Variants in ACSBG2 observed in about 807,000 individuals in gnomAD.
ACSBG2 encodes the protein long-chain-fatty-acid--CoA ligase ACSBG2.
A neutral mutation model predicts 74.7 loss-of-function variants in ACSBG2; 62 were observed. The observed-to-expected ratio is 0.83, with a 90% confidence interval of 0.68 to 1.03. The LOEUF (loss-of-function observed/expected upper bound fraction) is 1.03, where lower values mean the gene tolerates loss of function less well. ACSBG2 is among the 50% of genes least tolerant of loss of function. ACSBG2 has a pLI of 0.00. For missense variants in ACSBG2, 730 were observed against 817.6 expected (o/e 0.89, Z 1.31); for synonymous variants, 309 against 294.1 (o/e 1.05, Z -0.52).
chr19:6,190,804 C>CAT (rs34583176), intron 14 of ACSBG2, 112 bp downstream of exon 14: 82 of 471,164 alleles, frequency 1.7e-4, no homozygotes, highest in East Asian at 1.5e-3. Context: ...CACACATACA[C>CAT]ACATACATAC....
intron 2 of ACSBG2, among the ~76,000 whole-genome samples, chr19:6,145,061 C>T (rs1274008902): frequency 2.0e-5 from 3 of 152,012 alleles, no homozygotes; most frequent in Non-Finnish European, 4.4e-5. Flanking sequence ...AGCCAAGAGC[C>T]TTTAGAAGCC....
chr19:6,190,292 T>C (rs113516658), intron 13 of ACSBG2: 8,048 of 323,448 alleles, frequency 0.025, 265 homozygotes, highest in African/African-American at 0.1. Flanking sequence ...GGGATAGGGG[T>C]ATGGTTTGAG....
intron 2 of ACSBG2, 44 bp from the exon 3 acceptor site, chr19:6,147,398 TTAAA>T (rs765187683): frequency 6.5e-7 from 1 of 1,531,300 alleles, no homozygotes; most frequent in Non-Finnish European, 9.0e-7. Flanking sequence ...TCCAAAGTTA[TTAAA>T]TAAATAAAAA....
At position 6,156,508 on chromosome 19, in the gene ACSBG2, T is replaced by A; in HGVS notation, c.464T>A (p.Ile155Asn). Residue 155 changes from isoleucine (I) to asparagine (N), a missense_variant, in exon 5 of 15, where the codon ATC becomes AAC. Coordinates refer to ENST00000588485, the MANE Select transcript of ACSBG2 (RefSeq NM_030924.5). ...GTCATCACTCATGCCAAAGTGAACA[T>A]CTTGCTGGTTGAGAATGATCAACAG... ...QYVITHAKVN[I>N]LLVENDQQLQ... 1 of 1,596,356 alleles carries A rather than the reference T, an allele frequency of 6.3e-7. No homozygotes were observed. The highest frequency in any genetic ancestry group is 8.5e-7 in the Non-Finnish European group (1 of 1,171,352).
Position 6,157,183 on chromosome 19 carries a change from C to T in ACSBG2, c.507+632C>T, listed in dbSNP as rs373467109. On this transcript the variant is annotated intron_variant, in intron 5 of 14. Coordinates refer to ENST00000588485, the MANE Select transcript of ACSBG2 (RefSeq NM_030924.5). The stretch of plus-strand genomic sequence containing the variant: ...CAGGATGGTCTTGATCTCCTGACCT[C>T]GTGATCCGCCCGCCTTGGCCTCCCA... 5.5e-4 allele frequency among the ~76,000 whole-genome samples: 83 copies of T among 152,290 alleles called. 2 individuals are homozygous for T. Among genetic ancestry groups the T allele is most frequent in the Admixed American group, 4.8e-3 (74 of 15,294 alleles).
intron 1 of ACSBG2, among the ~76,000 whole-genome samples, chr19:6,139,546 T>A (rs983204941): frequency 5.9e-5 from 9 of 152,214 alleles, no homozygotes; most frequent in Admixed American, 5.9e-4. Context: ...CACTCACTGA[T>A]GGAAACTTTT....
chr19:6,177,185 C>T (rs756483669), intron 7 of ACSBG2, 44 bp from the exon 8 acceptor site: 1 of 1,595,440 alleles, frequency 6.3e-7, no homozygotes, highest in Non-Finnish European at 8.5e-7. Flanking sequence ...TAAAATGGCC[C>T]TTCTATGAGG....
In ACSBG2 at chr19:6,183,289, C is replaced by T. The variant is rs756446604; in HGVS notation, c.1322+17C>T. 20 of 1,608,094 alleles carry T rather than the reference C, an allele frequency of 1.2e-5. No individual in the cohort carries two copies. In the South Asian group the frequency reaches 2.0e-4, roughly 16 times the overall value. ...GCTTCTAAGGTACCAGCCCCCGGGGCAGACCCCTGCTCCTCCCATAACATG... is the reference window on the plus strand; with the variant it reads ...GCTTCTAAGGTACCAGCCCCCGGGGTAGACCCCTGCTCCTCCCATAACATG... On this transcript the variant is annotated intron_variant, in intron 10 of 14. Coordinates refer to ENST00000588485, the MANE Select transcript of ACSBG2 (RefSeq NM_030924.5).
intron 6 of ACSBG2, among the ~76,000 whole-genome samples, chr19:6,164,209 G>T (rs189666422): frequency 1.3e-5 from 2 of 152,124 alleles, no homozygotes; most frequent in African/African-American, 4.8e-5. Context: ...GGAAGCCGGG[G>T]GTCTTCTACC....
rs1266990532 is a variant in ACSBG2, at chr19:6,178,301, A to T, written c.906+905A>T. ...TTTTCCAGTTTGGTGAAGTTTTTGCATACATGTCCAGTTGCTCCATCTGAT... is the reference window on the plus strand; with the variant it reads ...TTTTCCAGTTTGGTGAAGTTTTTGCTTACATGTCCAGTTGCTCCATCTGAT... On this transcript the variant is annotated intron_variant, in intron 8 of 14. Transcript: ENST00000588485. 3.3e-5 allele frequency among the ~76,000 whole-genome samples: 5 copies of T among 152,198 alleles called. No individual in the cohort carries two copies. The South Asian group carries it at 1.0e-3, about 32-fold the overall frequency.
chr19:6,185,784 C>A, intron 11 of ACSBG2, 131 bp downstream of exon 11: 1 of 884,060 alleles, frequency 1.1e-6, no homozygotes, highest in Non-Finnish European at 1.8e-6. Context: ...AGAAACTCCT[C>A]AGTCTGTACA....
intron 10 of ACSBG2, 79 bp downstream of exon 10, chr19:6,183,351 T>A (rs908839924): frequency 2.4e-6 from 3 of 1,273,924 alleles, no homozygotes; most frequent in African/African-American, 1.5e-5. Context: ...TAGATGGGCC[T>A]CTGGGTTAAG....
chr19:6,144,853 G>A (rs1240439167), intron 2 of ACSBG2, among the ~76,000 whole-genome samples: 3 of 151,766 alleles, frequency 2.0e-5, no homozygotes, highest in East Asian at 1.9e-4. Context: ...CTCCAACCAC[G>A]CCTGACTAAA....
At chr19:6,162,566 C>CA (rs58138677) in intron 6 of ACSBG2, among the ~76,000 whole-genome samples, 999 of 84,106 alleles carry the variant, frequency 0.012, 36 homozygotes, top group African/African-American at 0.021. Context: ...GACTCCGTCT[C>CA]AAAAAAAAAA....
At position 6,182,696 on chromosome 19, in the gene ACSBG2, C is replaced by T. The variant is rs1334756065; in HGVS notation, c.907-55C>T. 10 of 1,549,342 alleles carry T rather than the reference C, an allele frequency of 6.5e-6. No homozygotes were observed. The African/African-American group carries it at 8.2e-5, about 13-fold the overall frequency. On this transcript the variant is annotated intron_variant, in intron 8 of 14. Transcript: ENST00000588485. The stretch of plus-strand genomic sequence containing the variant: ...AGTTGGGTGGATCAGGAGAGATGGA[C>T]ATCCCTGGTGCACGGAAGGCCCTGC...
intron 13 of ACSBG2, among the ~76,000 whole-genome samples, chr19:6,189,031 T>C (rs1297626269): frequency 2.0e-5 from 3 of 152,164 alleles, no homozygotes; most frequent in Non-Finnish European, 4.4e-5. Context: ...TCTGGGGCAA[T>C]AGGCAAACAG....
chr19:6,190,946 G>C, intron 14 of ACSBG2: 1 of 260,176 alleles, frequency 3.8e-6, no homozygotes, highest in East Asian at 7.6e-5. Context: ...CCTTCAGCTG[G>C]CCACCAATGT....
chr19:6,185,185 C>T (rs1375354812), intron 10 of ACSBG2, among the ~76,000 whole-genome samples: 3 of 152,128 alleles, frequency 2.0e-5, no homozygotes, highest in Non-Finnish European at 2.9e-5. Flanking sequence ...CCTCGGCTTT[C>T]CAAAGTGTTA....
intron 4 of ACSBG2, among the ~76,000 whole-genome samples, chr19:6,153,873 G>GAA (rs1555691541): frequency 3.8e-5 from 2 of 52,740 alleles, no homozygotes; most frequent in Admixed American, 4.6e-4. Flanking sequence ...GAAAAGAAAA[G>GAA]AAAAGAAAAG....
Sources: allele counts gnomAD v4.1 joint callset (sites outside exome capture counted in the v4.1 genomes callset), GRCh38; gene constraint gnomAD v4.1.1; transcripts MANE v1.5; gene names NCBI Gene and HGNC (gene_info 2026-07-23, HGNC 2026-07-21).